Variants in R3HDM1 observed in about 807,000 individuals in gnomAD.
R3HDM1 encodes the protein R3H domain containing 1, also known as R3H domain-containing protein 1.
Under a neutral mutation model 141.1 loss-of-function variants are expected in R3HDM1, and 46 were observed. The ratio of observed to expected loss-of-function variants is 0.33; its 90% confidence interval spans 0.26 to 0.42. R3HDM1 has a LOEUF of 0.42. Ranked by LOEUF, R3HDM1 falls within the 10% of genes least tolerant of loss-of-function variation. The pLI is 1.00. For missense variants in R3HDM1, 1,184 were observed against 1,368.3 expected, an observed-to-expected ratio of 0.87 and a Z score of 2.12; for synonymous variants, 435 against 472.9, an observed-to-expected ratio of 0.92 and a Z score of 1.04.
chr2:135,639,024 C>T lies in R3HDM1; in HGVS notation c.1121C>T (p.Pro374Leu). Reference sequence around the variant, plus strand: ...GACAGCTCTCTTCGAAACCTGAAACCTGCTGTAACCAAAGCCAGCAGCTTC... The same window carrying T: ...GACAGCTCTCTTCGAAACCTGAAACTTGCTGTAACCAAAGCCAGCAGCTTC... ...DSDSSLRNLK[P>L]AVTKASSFSG... Residue 374 changes from proline to leucine, a missense_variant, in exon 14 of 27, where the codon CCT becomes CTT. Pro to Leu is a moderately conservative substitution (Grantham distance 98). Transcript: ENST00000683871. 6.2e-7 allele frequency: 1 copy of T among 1,614,132 alleles called. No individual in the cohort carries two copies. Among genetic ancestry groups the T allele is most frequent in the Non-Finnish European group, 8.5e-7 (1 of 1,180,028 alleles).
chr2:135,559,161 G>C (rs1701347927), intron 1 of R3HDM1: 3 of 560,814 alleles, frequency 5.3e-6, no homozygotes, highest in Non-Finnish European at 6.8e-6. Flanking sequence ...TCCCAGGCTA[G>C]AGTGCAGTGG....
At chr2:135,590,808 A>G (rs1709084882) in intron 1 of R3HDM1, 1 of 821,262 alleles carries the variant, frequency 1.2e-6, no homozygotes, top group Non-Finnish European at 1.5e-6. Context: ...TGGCAACTGA[A>G]AGACAGCACC....
At chr2:135,669,652 C>G in intron 19 of R3HDM1, 1 of 862,024 alleles carries the variant, frequency 1.2e-6, no homozygotes, top group African/African-American at 1.8e-5. Flanking sequence ...CAGCTCTCAG[C>G]TACACATTTG....
chr2:135,669,022 T>C (rs1574880954), intron 19 of R3HDM1: 1 of 621,990 alleles, frequency 1.6e-6, no homozygotes, highest in Non-Finnish European at 2.0e-6. Flanking sequence ...CCAGTTCTTC[T>C]CCTTCCCAAT....
chr2:135,622,826 A>G, intron 7 of R3HDM1, 94 bp downstream of exon 7: 4 of 1,374,046 alleles, frequency 2.9e-6, no homozygotes, highest in Non-Finnish European at 3.8e-6. Context: ...ATAGAATAAG[A>G]TTGCAGATAT....
chr2:135,579,279 T>G (rs563875997), intron 1 of R3HDM1, among the ~76,000 whole-genome samples: 19 of 152,256 alleles, frequency 1.2e-4, no homozygotes, highest in South Asian at 6.2e-4. Context: ...TGGGATAATT[T>G]GAGAAACAAA....
intron 1 of R3HDM1, among the ~76,000 whole-genome samples, chr2:135,535,296 C>A (rs1428810600): frequency 1.3e-5 from 2 of 152,020 alleles, no homozygotes; most frequent in African/African-American, 2.4e-5. Context: ...GTCAGCAGTT[C>A]GAGACCAGCC....
At position 135,577,277 on chromosome 2, in the gene R3HDM1, C is replaced by A. The variant is rs1705661160; in HGVS notation, c.-249-25223C>A. 28 of 932,240 alleles carry A rather than the reference C, an allele frequency of 3.0e-5. No individual in the cohort carries two copies. The South Asian group carries it at 1.3e-3, about 43-fold the overall frequency. 57.7% of individuals were successfully genotyped at this position (932,240 alleles called of 1,614,324 possible). ...AAAAAAAGTCAAAAACACAAGCTGA[C>A]AAACTGGAAGAAAATTTTTTCAACA... On this transcript the variant is annotated intron_variant, in intron 1 of 26. Coordinates refer to ENST00000683871, the MANE Select transcript of R3HDM1 (RefSeq NM_001378107.1).
intron 21 of R3HDM1, among the ~76,000 whole-genome samples, chr2:135,704,740 T>A (rs2074677413): frequency 6.6e-6 from 1 of 152,172 alleles, no homozygotes; most frequent in Admixed American, 6.5e-5. Flanking sequence ...ATTACAGGCA[T>A]GAGCCACCAC....
At chr2:135,659,089 T>TGTGTGTGTGTGTGTG (rs2066322520) in intron 18 of R3HDM1, among the ~76,000 whole-genome samples, 1 of 76,194 alleles carries the variant, frequency 1.3e-5, no homozygotes, top group Admixed American at 1.7e-4. Flanking sequence ...GTGTGTGTGT[T>TGTGTGTGTGTGTGTG]TGGTTTGGAG....
At chr2:135,576,714 T>C (rs1176187466) in intron 1 of R3HDM1, among the ~76,000 whole-genome samples, 1 of 152,180 alleles carries the variant, frequency 6.6e-6, no homozygotes, top group Non-Finnish European at 1.5e-5. Flanking sequence ...TGGGTGAAAC[T>C]TGAAAACATT....
chr2:135,575,239 A>G (rs988610461), intron 1 of R3HDM1, among the ~76,000 whole-genome samples: 4 of 152,178 alleles, frequency 2.6e-5, no homozygotes, highest in East Asian at 1.9e-4. Flanking sequence ...CCAGAGTGCA[A>G]TGGCACAATC....
intron 21 of R3HDM1, among the ~76,000 whole-genome samples, chr2:135,684,389 G>A (rs548219495): frequency 5.6e-4 from 85 of 151,986 alleles, no homozygotes; most frequent in African/African-American, 1.6e-3. Context: ...GCTCCCAGCC[G>A]AACATATTTC....
chr2:135,681,969 TTGG>T (rs2070386209), intron 21 of R3HDM1, among the ~76,000 whole-genome samples: 1 of 151,346 alleles, frequency 6.6e-6, no homozygotes. Context: ...AAATATGTAC[TTGG>T]TTAAATTTCG....
chr2:135,650,322 A>G, intron 17 of R3HDM1: 2 of 985,312 alleles, frequency 2.0e-6, no homozygotes, highest in Non-Finnish European at 2.4e-6. Flanking sequence ...CTGCCCTGGG[A>G]TGGCAGCTTT....
At chr2:135,713,144 G>A (rs13412397) in intron 23 of R3HDM1, among the ~76,000 whole-genome samples, 77,416 of 151,954 alleles carry the variant, frequency 0.51, 24,468 homozygotes, top group Non-Finnish European at 0.73. Context: ...AGAGGCTGCA[G>A]TGAGCTGTGA....
intron 21 of R3HDM1, among the ~76,000 whole-genome samples, chr2:135,681,797 T>A (rs2070356539): frequency 6.6e-6 from 1 of 152,018 alleles, no homozygotes; most frequent in African/African-American, 2.4e-5. Context: ...AAAACAGCTT[T>A]AAATACCTGT....
intron 11 of R3HDM1, among the ~76,000 whole-genome samples, chr2:135,638,105 G>A (rs1194601734): frequency 6.6e-6 from 1 of 152,170 alleles, no homozygotes; most frequent in Non-Finnish European, 1.5e-5. Context: ...GATTGCTCCT[G>A]TTATATAAAA....
intron 21 of R3HDM1, among the ~76,000 whole-genome samples, chr2:135,691,871 C>T (rs1053078466): frequency 1.3e-5 from 2 of 152,064 alleles, no homozygotes; most frequent in African/African-American, 4.8e-5. Context: ...TTCTGGAAAG[C>T]AGTCACTATA....
Sources: gnomAD v4.1 joint callset for allele counts (sites outside exome capture counted in the v4.1 genomes callset) on GRCh38, gnomAD v4.1.1 for gene constraint, MANE v1.5 for transcripts, NCBI Gene and HGNC (gene_info 2026-07-23, HGNC 2026-07-21) for gene names.